The following PLCG1 variants were observed in gnomAD, a reference collection of about 807,000 sequenced individuals.
PLCG1 encodes the protein 1-phosphatidylinositol 4,5-bisphosphate phosphodiesterase gamma-1.
PLCG1 carries 71 observed loss-of-function variants against 177.8 expected under a neutral mutation model. The observed-to-expected ratio is 0.40, with a 90% CI of 0.33 to 0.49. The LOEUF (loss-of-function observed/expected upper bound fraction) is 0.49, where lower values mean the gene tolerates loss of function less well. Among genes scored for constraint, PLCG1 ranks in the 20% least tolerant of loss-of-function variants. PLCG1 has a pLI of 0.72. For missense variants in PLCG1, 1,281 were observed against 1,709.0 expected (o/e 0.75, Z 4.42); for synonymous variants, 658 against 647.9 (o/e 1.02, Z -0.24).
chr20:41,159,839 C>G lies in PLCG1; in HGVS notation c.371-31C>G. 1 of 1,612,986 alleles carries G rather than the reference C, an allele frequency of 6.2e-7. No homozygotes were observed. Among genetic ancestry groups the G allele is most frequent in the Non-Finnish European group, 8.5e-7 (1 of 1,178,956 alleles). On this transcript the variant is annotated intron_variant, in intron 2 of 31. Coordinates refer to ENST00000685551, the MANE Select transcript of PLCG1 (RefSeq NM_002660.3). This position sits in a 1 kb window ranked among gnomAD's most constrained non-coding sequence, Gnocchi z 6.0. ...TCCTGCCCAGTGGGAGGTATGTGCC[C>G]TCGGGGCAGCTATTGATACCTTGCT...
intron 22 of PLCG1, 68 bp downstream of exon 22, chr20:41,169,243 C>A: frequency 8.2e-7 from 1 of 1,225,316 alleles, no homozygotes; most frequent in Non-Finnish European, 1.2e-6. Flanking sequence ...GCCCCCATCA[C>A]ACAGTCCCAA....
chr20:41,154,166 C>T (rs1404871196), intron 1 of PLCG1, among the ~76,000 whole-genome samples: 1 of 152,166 alleles, frequency 6.6e-6, no homozygotes, highest in African/African-American at 2.4e-5. Context: ...CCCACCTTGC[C>T]AGTGCTTTTG....
chr20:41,150,524 A>G lies in PLCG1; in HGVS notation c.218-9082A>G, dbSNP rs1360240633. On this transcript the variant is annotated intron_variant, in intron 1 of 31. Transcript: ENST00000685551. The surrounding 1 kb of genome is among the most constrained non-coding windows in gnomAD (Gnocchi z 4.0). ...CTTAGGCAGCATCAGTCTGCAAGGG[A>G]GGCAGAGTTTGGAGCACACTAGACT... is the stretch of plus-strand genomic sequence containing the variant. 6.6e-6 allele frequency among the ~76,000 whole-genome samples: 1 copy of G among 152,090 alleles called. No homozygotes were observed. The highest frequency in any genetic ancestry group is 1.5e-5 in the Non-Finnish European group (1 of 68,002).
intron 21 of PLCG1, 62 bp downstream of exon 21, chr20:41,168,932 A>T (rs2035796853): frequency 8.0e-7 from 1 of 1,247,174 alleles, no homozygotes; most frequent in Admixed American, 1.7e-5. Context: ...GGCCCCAAAG[A>T]CATGCATTTG....
At position 41,169,094 on chromosome 20, in the gene PLCG1, C is replaced by T. The variant is rs191679761; in HGVS notation, c.2499C>T (p.Tyr833=). Residue 833 remains tyrosine, a synonymous_variant, in exon 22 of 32, where the codon TAC becomes TAT. Coordinates refer to ENST00000685551, the MANE Select transcript of PLCG1 (RefSeq NM_002660.3). ...KQEGGWWRGD[Y]GGKKQLWFPS... ...GCTCCCACAGGTGGCGAGGGGACTA[C>T]GGAGGGAAGAAGCAGCTGTGGTTCC... The T allele has an allele frequency of 2.2e-5, 35 of 1,613,660 alleles. No individual in the cohort carries two copies. Among genetic ancestry groups the T allele is most frequent in the Admixed American group, 8.3e-5 (5 of 60,030 alleles).
At chr20:41,138,362 A>G (rs2034684166) in intron 1 of PLCG1, among the ~76,000 whole-genome samples, 1 of 152,002 alleles carries the variant, frequency 6.6e-6, no homozygotes, top group South Asian at 2.1e-4. Context: ...ACTTAGGCAG[A>G]TGTTGGGTAG....
chr20:41,172,344 CAA>C lies in PLCG1; in HGVS notation c.2905+59_2905+60del, dbSNP rs2035928791. The C allele has an allele frequency of 3.8e-6, 6 of 1,577,170 alleles. No homozygotes were observed. Among genetic ancestry groups the C allele is most frequent in the Non-Finnish European group, 4.4e-6 (5 of 1,146,574 alleles). On this transcript the variant is annotated intron_variant, in intron 25 of 31. Transcript: ENST00000685551. The surrounding 1 kb of genome is among the most constrained non-coding windows in gnomAD (Gnocchi z 7.0). ...ATGTGCCTGGAGGGCCTGGTGGGTG[CAA>C]AAAGAGTATTTAGGTATCCCCCCAA...
In PLCG1 at chr20:41,146,194, C is replaced by T. The variant is rs1220887665; in HGVS notation, c.217+8336C>T. Among the ~76,000 whole-genome samples the T allele has an allele frequency of 2.0e-5, 3 of 152,194 alleles. No homozygotes were observed. The highest frequency in any genetic ancestry group is 4.8e-5 in the African/African-American group (2 of 41,438). On this transcript the variant is annotated intron_variant, in intron 1 of 31. Coordinates refer to ENST00000685551, the MANE Select transcript of PLCG1 (RefSeq NM_002660.3). The surrounding 1 kb of genome is among the most constrained non-coding windows in gnomAD (Gnocchi z 6.3). ...GGCATCCCTTTTTACTGAGCCCAGGCCTGGCACAGAGGAGGCTGGAGTTAG... is the reference window on the plus strand; with the variant it reads ...GGCATCCCTTTTTACTGAGCCCAGGTCTGGCACAGAGGAGGCTGGAGTTAG...
Position 41,175,259 on chromosome 20 carries a change from G to A in PLCG1, c.*750G>A, listed in dbSNP as rs1014811711. ...GCAGGTGGGCTGCCTGCTGTGTTAA[G>A]AGGACTTAGTTTGTGATGTAAGGCA... On this transcript the variant is annotated 3_prime_UTR_variant, in exon 32 of 32. Coordinates refer to ENST00000685551, the MANE Select transcript of PLCG1 (RefSeq NM_002660.3). The A allele has an allele frequency of 4.6e-5, 7 of 151,734 alleles. No individual in the cohort carries two copies. Among genetic ancestry groups the A allele is most frequent in the African/African-American group, 1.7e-4 (7 of 41,380 alleles). The allele number at this position is 151,734 out of a possible 1,614,324, so 9.4% of individuals were successfully genotyped here.
In PLCG1 at chr20:41,176,337, G is replaced by A. The variant is rs1019245766; in HGVS notation, c.*1828G>A. ...CACAGTCCCAGTTCATAGAGAGGAG[G>A]GTGGCTTTTTCCCATACACAAGAAG... On this transcript the variant is annotated 3_prime_UTR_variant, in exon 32 of 32. Coordinates refer to ENST00000685551, the MANE Select transcript of PLCG1 (RefSeq NM_002660.3). 2 of 152,122 alleles carry A rather than the reference G, an allele frequency of 1.3e-5. No homozygotes were observed. The highest frequency in any genetic ancestry group is 2.9e-5 in the Non-Finnish European group (2 of 68,042). 9.4% of individuals were successfully genotyped at this position (152,122 alleles called of 1,614,324 possible). A position where few individuals can be genotyped will look rare whatever the true frequency, so the allele number is the denominator to read the frequency against.
At chr20:41,169,366 C>A in intron 22 of PLCG1, 91 bp from the exon 23 acceptor site, 2 of 1,092,040 alleles carry the variant, frequency 1.8e-6, no homozygotes, top group Non-Finnish European at 1.4e-6. Context: ...CAGGTACACC[C>A]ACAAGATGTA....
Position 41,172,084 on chromosome 20 carries a change from A to T in PLCG1, c.2809-109A>T, listed in dbSNP as rs527578849. 65 of 799,760 alleles carry T rather than the reference A, an allele frequency of 8.1e-5. No individual in the cohort carries two copies. Among genetic ancestry groups the T allele is most frequent in the Non-Finnish European group, 1.3e-4 (59 of 444,986 alleles). The allele number at this position is 799,760 out of a possible 1,614,324, so 49.5% of individuals were successfully genotyped here. ...TCTGGAAGGTACAGGGGAAGGTGGG[A>T]GAGGGGCCCAGAGCACCTGCAGTGT... On this transcript the variant is annotated intron_variant, in intron 24 of 31. Transcript: ENST00000685551. This position sits in a 1 kb window ranked among gnomAD's most constrained non-coding sequence, Gnocchi z 7.0.
Position 41,163,315 on chromosome 20 carries a change from G to C in PLCG1, c.789+40G>C, listed in dbSNP as rs1027380562. 39 of 1,594,040 alleles carry C rather than the reference G, an allele frequency of 2.4e-5. No individual in the cohort carries two copies. Among genetic ancestry groups the C allele is most frequent in the Non-Finnish European group, 2.9e-5 (34 of 1,166,450 alleles). The stretch of plus-strand genomic sequence containing the variant: ...ACATTGGCCCAGGCTGGTAGGTTGT[G>C]GGGGGCTGGGCTCATCCCTGACTGG... On this transcript the variant is annotated intron_variant, in intron 8 of 31. Transcript: ENST00000685551. This position sits in a 1 kb window ranked among gnomAD's most constrained non-coding sequence, Gnocchi z 5.2.
rs769806657 is a variant in PLCG1, at chr20:41,163,433, G to A, written c.845G>A (p.Arg282Gln). The change falls in exon 9 of 32, where the codon CGA becomes CAA. Residue 282 changes from arginine to glutamine, a missense_variant. Physicochemically the swap from Arg to Gln is conservative, Grantham distance 43 (BLOSUM62 1). This residue lies in a region of PLCG1 where 374 missense variants were observed against 443.8 expected (regional missense o/e 0.84). Coordinates refer to ENST00000685551, the MANE Select transcript of PLCG1 (RefSeq NM_002660.3). This position sits in a 1 kb window ranked among gnomAD's most constrained non-coding sequence, Gnocchi z 5.2. ...QVQEFMLSFL[R>Q]DPLREIEEPY... ...CAGGAGTTCATGCTCAGCTTCCTCC[G>A]AGACCCCTTACGAGAGATCGAGGAG... The A allele has an allele frequency of 5.0e-6, 8 of 1,612,912 alleles. No homozygotes were observed. The Admixed American group carries it at 5.0e-5, about 10-fold the overall frequency.
chr20:41,164,167 C>T lies in PLCG1; in HGVS notation c.1183C>T (p.His395Tyr). Residue 395 changes from histidine (H) to tyrosine (Y), a missense_variant, in exon 12 of 32, where the codon CAC (histidine) becomes TAC (tyrosine). By Grantham distance (83) the His-to-Tyr change is moderately conservative. This residue lies in a region of PLCG1 where 723 missense variants were observed against 1,030.0 expected (regional missense o/e 0.70). Coordinates refer to ENST00000685551, the MANE Select transcript of PLCG1 (RefSeq NM_002660.3). This position sits in a 1 kb window ranked among gnomAD's most constrained non-coding sequence, Gnocchi z 6.4. ...TTKIKFSDVL[H>Y]TIKEHAFVAS... ...CAAGATCAAGTTCTCAGATGTCCTG[C>T]ACACCATCAAGGAGCATGCCTTTGT... 6.2e-7 allele frequency: 1 copy of T among 1,614,088 alleles called. No homozygotes were observed. Among genetic ancestry groups the T allele is most frequent in the Non-Finnish European group, 8.5e-7 (1 of 1,179,988 alleles).
chr20:41,165,307 G>A lies in PLCG1; in HGVS notation c.1449G>A (p.Glu483=). The change falls in exon 14 of 32, where the codon GAG becomes GAA. Residue 483 remains glutamate (E), a synonymous_variant. Coordinates refer to ENST00000685551, the MANE Select transcript of PLCG1 (RefSeq NM_002660.3). This position sits in a 1 kb window ranked among gnomAD's most constrained non-coding sequence, Gnocchi z 6.6. ...EEVPTSMMYS[E]NDISNSIKNG... is the part of the protein sequence containing the mutation. ...TGCCTACATCCATGATGTACTCTGA[G>A]AACGACATCAGCAACTCTATCAAGA... The A allele has an allele frequency of 1.2e-6, 2 of 1,614,154 alleles. No individual in the cohort carries two copies. The highest frequency in any genetic ancestry group is 2.2e-5 in the South Asian group (2 of 91,076).
intron 1 of PLCG1, among the ~76,000 whole-genome samples, chr20:41,141,862 G>C (rs1219739739): frequency 1.3e-5 from 2 of 152,198 alleles, no homozygotes; most frequent in African/African-American, 4.8e-5. Flanking sequence ...AACACCTCCA[G>C]CTTCTCTCCA....
intron 4 of PLCG1, among the ~76,000 whole-genome samples, chr20:41,161,463 G>A (rs2035492938): frequency 6.6e-6 from 1 of 152,148 alleles, no homozygotes; most frequent in African/African-American, 2.4e-5. Flanking sequence ...GTATGCTGAT[G>A]GGAAAGAGAC....
Position 41,166,694 on chromosome 20 carries a change from C to A in PLCG1, c.2136C>A (p.Ile712=). The A allele has an allele frequency of 6.2e-7, 1 of 1,614,152 alleles. No individual in the cohort carries two copies. The highest frequency in any genetic ancestry group is 8.5e-7 in the Non-Finnish European group (1 of 1,180,008). The change falls in exon 19 of 32, where the codon ATC becomes ATA. Residue 712 remains isoleucine (I), a synonymous_variant. Transcript: ENST00000685551. This position sits in a 1 kb window ranked among gnomAD's most constrained non-coding sequence, Gnocchi z 8.6. ...YAISFRAEGK[I]KHCRVQQEGQ... ...CCTTGTGAAGGGCTGAGGGCAAGATCAAGCATTGCCGTGTCCAGCAAGAGG... is the reference window on the plus strand; with the variant it reads ...CCTTGTGAAGGGCTGAGGGCAAGATAAAGCATTGCCGTGTCCAGCAAGAGG...
Sources: gnomAD v4.1 joint callset for allele counts (sites outside exome capture counted in the v4.1 genomes callset) on GRCh38, gnomAD v4.1.1 for gene constraint, gnomAD v4.1.1 regional missense constraint, Gnocchi (gnomAD v3.1) non-coding constraint, MANE v1.5 for transcripts, NCBI Gene and HGNC (gene_info 2026-07-23, HGNC 2026-07-21) for gene names.